The following FREM1 variants were observed in gnomAD, a reference collection of about 807,000 sequenced individuals.
FREM1 encodes FRAS1-related extracellular matrix protein 1.
Under a neutral mutation model 210.1 loss-of-function variants are expected in FREM1, and 220 were observed. The observed-to-expected ratio is 1.05, with a 90% CI of 0.94 to 1.17. The LOEUF (loss-of-function observed/expected upper bound fraction) is 1.17, where lower values mean the gene tolerates loss of function less well. Ranked by LOEUF, FREM1 falls within the 50% of genes most tolerant of loss-of-function variation. FREM1 has a pLI of 0.00. For synonymous variants in FREM1, 1,189 were observed against 980.2 expected (o/e 1.21, Z -3.98); for missense variants, 3,454 against 2,675.5 (o/e 1.29, Z -6.42).
intron 1 of FREM1, among the ~76,000 whole-genome samples, chr9:14,871,804 A>C (rs1325957019): frequency 6.6e-6 from 1 of 152,088 alleles, no homozygotes; most frequent in Non-Finnish European, 1.5e-5. Flanking sequence ...TAGGTCTAAC[A>C]TTTAAGTCTT....
Position 14,770,627 on chromosome 9 carries a change from T to C in FREM1, c.5037A>G (p.Gly1679=). ...TACCTGTTGTTGTGTTCTCCAGATG[T>C]CCATGTTTTGGGCCTTGTAGAATTT... ...IFKILQGPKH[G]HLENTTTGEF... The change falls in exon 26 of 37, where the codon GGA becomes GGG. Residue 1679 remains glycine (G), a synonymous_variant. Transcript: ENST00000380880. 6.2e-7 allele frequency: 1 copy of C among 1,613,078 alleles called. No individual in the cohort carries two copies. Among genetic ancestry groups the C allele is most frequent in the Non-Finnish European group, 8.5e-7 (1 of 1,179,286 alleles).
At chr9:14,830,386 G>C (rs1218289010) in intron 10 of FREM1, among the ~76,000 whole-genome samples, 1 of 152,120 alleles carries the variant, frequency 6.6e-6, no homozygotes, top group Non-Finnish European at 1.5e-5. Flanking sequence ...CCCAGCAATT[G>C]ATTTGAGCAC....
At chr9:14,801,604 A>G (rs747742432) in intron 20 of FREM1, 48 bp downstream of exon 20, 21 of 1,305,062 alleles carry the variant, frequency 1.6e-5, no homozygotes, top group Non-Finnish European at 2.2e-5. Flanking sequence ...TATGGGTTAA[A>G]TTATTCAATC....
At chr9:14,809,106 C>T (rs1818918608) in intron 16 of FREM1, among the ~76,000 whole-genome samples, 2 of 152,130 alleles carry the variant, frequency 1.3e-5, no homozygotes, top group African/African-American at 4.8e-5. Flanking sequence ...GCGCTTTTCT[C>T]ATGATAGTGA....
chr9:14,900,629 G>A (rs1204150007), intron 1 of FREM1, among the ~76,000 whole-genome samples: 3 of 152,152 alleles, frequency 2.0e-5, no homozygotes, highest in South Asian at 2.1e-4. Context: ...TAGATAGACA[G>A]AGTCTGACAC....
Position 14,842,571 on chromosome 9 carries a change from C to A in FREM1, c.1483G>T (p.Val495Leu), listed in dbSNP as rs780403738. Reference protein sequence around the residue: ...HDDSDSTKDFVVFRIFDGHHS... With the variant: ...HDDSDSTKDFLVFRIFDGHHS... ...TGGCCATCAAATATCCGGAAGACCACGAAGTCTTTGGTGGAGTCGCTGTCA... is the reference window on the plus strand; with the variant it reads ...TGGCCATCAAATATCCGGAAGACCAAGAAGTCTTTGGTGGAGTCGCTGTCA... Residue 495 changes from valine to leucine, a missense_variant, in exon 9 of 37, where the codon GTG becomes TTG. Coordinates refer to ENST00000380880, the MANE Select transcript of FREM1 (RefSeq NM_001379081.2). 3 of 1,613,824 alleles carry A rather than the reference C, an allele frequency of 1.9e-6. No individual in the cohort carries two copies. Among genetic ancestry groups the A allele is most frequent in the South Asian group, 1.1e-5 (1 of 91,084 alleles).
intron 24 of FREM1, among the ~76,000 whole-genome samples, chr9:14,781,437 G>T (rs140376381): frequency 5.0e-4 from 76 of 152,070 alleles, no homozygotes; most frequent in African/African-American, 1.8e-3. Flanking sequence ...TGTACTATGT[G>T]TACTCTTATT....
chr9:14,858,532 T>C (rs1829220192), intron 4 of FREM1, among the ~76,000 whole-genome samples: 1 of 151,378 alleles, frequency 6.6e-6, no homozygotes, highest in Admixed American at 6.6e-5. Context: ...TGGAGTCTCA[T>C]TTCTCAGACG....
At chr9:14,748,309 G>A in intron 31 of FREM1, 92 bp downstream of exon 31, 1 of 748,106 alleles carries the variant, frequency 1.3e-6, no homozygotes, top group Middle Eastern at 2.4e-4. Context: ...AATCAAAACA[G>A]CTTCTTCAGT....
intron 22 of FREM1, among the ~76,000 whole-genome samples, chr9:14,792,432 T>C (rs12685688): frequency 0.68 from 103,447 of 151,898 alleles, 36,232 homozygotes; most frequent in Middle Eastern, 0.79. Context: ...AATGAAGATA[T>C]CACAAAAGAT....
At chr9:14,748,719 C>A in intron 30 of FREM1, 80 bp from the exon 31 acceptor site, 1 of 914,570 alleles carries the variant, frequency 1.1e-6, no homozygotes, top group Non-Finnish European at 1.7e-6. Context: ...GCTCCTGGAG[C>A]AGCTTGTCAT....
chr9:14,740,292 C>T lies in FREM1; in HGVS notation c.6255-58G>A, dbSNP rs372968128. On this transcript the variant is annotated intron_variant, in intron 35 of 36. Coordinates refer to ENST00000380880, the MANE Select transcript of FREM1 (RefSeq NM_001379081.2). ...CAAGCAGTTAACATTTCTGCTGATA[C>T]GAAATGCATAACAGAAATAAAAGTA... 3.2e-4 allele frequency: 382 copies of T among 1,199,100 alleles called. 3 individuals carry two copies. The African/African-American group carries it at 4.5e-3, about 14-fold the overall frequency. 74.3% of individuals were successfully genotyped at this position (1,199,100 alleles called of 1,614,324 possible).
rs1827139523 is a variant in FREM1 at position 14,848,778 on chromosome 9, A to C, written c.1153-5T>G. The C allele has an allele frequency of 6.3e-7, 1 of 1,576,686 alleles. No individual in the cohort carries two copies. Among genetic ancestry groups the C allele is most frequent in the African/African-American group, 1.3e-5 (1 of 74,156 alleles). On this transcript the variant is annotated splice_region_variant and splice_polypyrimidine_tract_variant and intron_variant, in intron 6 of 36. Transcript: ENST00000380880. ...GTCGTATACCTCCAATTCTACCTGT[A>C]AACAAACAGAGGCAAAGGAGCCACA...
chr9:14,738,215 T>C (rs953514624), intron 36 of FREM1, among the ~76,000 whole-genome samples: 10 of 152,174 alleles, frequency 6.6e-5, no homozygotes, highest in African/African-American at 2.4e-4. Flanking sequence ...GTAAAGCTTC[T>C]GTAATATTTT....
chr9:14,752,773 T>C (rs1322362970), intron 29 of FREM1, among the ~76,000 whole-genome samples: 1 of 152,150 alleles, frequency 6.6e-6, no homozygotes, highest in African/African-American at 2.4e-5. Flanking sequence ...GTAAATAAAA[T>C]CCAATACAGA....
chr9:14,746,918 C>T lies in FREM1; in HGVS notation c.6138+5G>A, dbSNP rs373182919. ...AGGTGCTTGGCTGCTCAGCCTGCCT[C>T]CTACCTTGGTTTGGGGACTCCAGGC... On this transcript the variant is annotated splice_donor_5th_base_variant and intron_variant, in intron 34 of 36. Coordinates refer to ENST00000380880, the MANE Select transcript of FREM1 (RefSeq NM_001379081.2). 3.7e-6 allele frequency: 6 copies of T among 1,612,128 alleles called. No homozygotes were observed. Among genetic ancestry groups the T allele is most frequent in the African/African-American group, 2.7e-5 (2 of 74,840 alleles).
chr9:14,822,146 C>A (rs959290583), intron 13 of FREM1, among the ~76,000 whole-genome samples: 1 of 152,142 alleles, frequency 6.6e-6, no homozygotes, highest in Non-Finnish European at 1.5e-5. Flanking sequence ...CTCCTCATCC[C>A]CCTTCTGCCA....
At chr9:14,803,087 CCT>C (rs1465849848) in intron 19 of FREM1, among the ~76,000 whole-genome samples, 2 of 138,926 alleles carry the variant, frequency 1.4e-5, no homozygotes, top group African/African-American at 5.4e-5. Flanking sequence ...TTCCTTCCTT[CCT>C]CTCTTCTTCT....
At chr9:14,838,656 T>C (rs185679171) in intron 10 of FREM1, among the ~76,000 whole-genome samples, 1 of 152,300 alleles carries the variant, frequency 6.6e-6, no homozygotes, top group Non-Finnish European at 1.5e-5. Flanking sequence ...TCAGTAAATG[T>C]TGAAAGAACC....
Sources: gnomAD v4.1 joint callset for allele counts (sites outside exome capture counted in the v4.1 genomes callset) on GRCh38, gnomAD v4.1.1 for gene constraint, MANE v1.5 for transcripts, NCBI Gene and HGNC (gene_info 2026-07-23, HGNC 2026-07-21) for gene names.